KRT80: variants seen among roughly 807,000 people sequenced by gnomAD.
KRT80 encodes keratin 80.
In KRT80, 36 loss-of-function variants were observed where a neutral mutation model predicts 51.5. That is an observed-to-expected ratio of 0.70 (90% CI 0.54 to 0.92). The LOEUF (loss-of-function observed/expected upper bound fraction) is 0.92. Among genes scored for constraint, KRT80 ranks in the 40% least tolerant of loss-of-function variants. The pLI, the probability that KRT80 is intolerant of heterozygous loss-of-function variation, is 0.00. For synonymous variants in KRT80, 235 were observed against 248.3 expected (o/e 0.95, Z 0.50); for missense variants, 566 against 591.7 (o/e 0.96, Z 0.45).
chr12:52,190,270 G>A (rs1941461127), intron 1 of KRT80, among the ~76,000 whole-genome samples: 1 of 152,192 alleles, frequency 6.6e-6, no homozygotes, highest in Non-Finnish European at 1.5e-5. Context: ...ACAGACCTGA[G>A]TTCAAATCCA....
In KRT80 at chr12:52,173,039, T is replaced by C. The variant is rs1308679126; in HGVS notation, c.956A>G (p.His319Arg). The stretch of plus-strand genomic sequence containing the variant: ...CAGGCGCGTCCCCCAGATACTCACA[T>C]GGCTCTTGACAGAGAGGATCTGGGA... ...LRSQILSVKS[H>R]CLKLEENIKT... Residue 319 changes from histidine (H) to arginine (R), a missense_variant and splice_region_variant, in exon 6 of 9, where the codon CAT becomes CGT. His to Arg is a conservative substitution (Grantham distance 29). Transcript: ENST00000394815. The C allele has an allele frequency of 6.2e-7, 1 of 1,606,904 alleles. No individual in the cohort carries two copies.
At position 52,191,954 on chromosome 12, in the gene KRT80, G is replaced by T; in HGVS notation, c.-52C>A. ...CCCAGGGGGGTGAGCGAGTGAGCCTGGGGTTGCGTCGGGTGGCAGGCTCTG... is the reference window on the plus strand; with the variant it reads ...CCCAGGGGGGTGAGCGAGTGAGCCTTGGGTTGCGTCGGGTGGCAGGCTCTG... On this transcript the variant is annotated 5_prime_UTR_variant, in exon 1 of 9. Transcript: ENST00000394815. The T allele has an allele frequency of 7.0e-7, 1 of 1,419,226 alleles. No homozygotes were observed. 87.9% of individuals were successfully genotyped at this position (1,419,226 alleles called of 1,614,324 possible).
intron 1 of KRT80, 43 bp downstream of exon 1, chr12:52,191,560 G>A: frequency 1.3e-6 from 2 of 1,522,124 alleles, no homozygotes; most frequent in Non-Finnish European, 1.8e-6. Flanking sequence ...ACCGGCCCAG[G>A]CCTGGCAGCC....
intron 8 of KRT80, 29 bp from the exon 9 acceptor site, chr12:52,171,551 G>A: frequency 6.2e-7 from 1 of 1,613,862 alleles, no homozygotes; most frequent in Non-Finnish European, 8.5e-7. Flanking sequence ...GTAGGGGAGG[G>A]AAGGGGCTGG....
rs1941118751 is a variant in KRT80, at chr12:52,172,184, G to A, written c.1178+14C>T. Reference sequence around the variant, plus strand: ...CTTCCCCTGCAGCCCTTCCTCACCAGCCCTGGCTCTCACCTGCCCTCCTCG... The same window carrying A: ...CTTCCCCTGCAGCCCTTCCTCACCAACCCTGGCTCTCACCTGCCCTCCTCG... On this transcript the variant is annotated intron_variant, in intron 7 of 8. Coordinates refer to ENST00000394815, the MANE Select transcript of KRT80 (RefSeq NM_182507.3). 2 of 1,612,680 alleles carry A rather than the reference G, an allele frequency of 1.2e-6. No individual in the cohort carries two copies. Among genetic ancestry groups the A allele is most frequent in the East Asian group, 4.5e-5 (2 of 44,878 alleles).
intron 2 of KRT80, 23 bp downstream of exon 2, chr12:52,185,356 G>T: frequency 6.3e-7 from 1 of 1,589,420 alleles, no homozygotes; most frequent in South Asian, 1.1e-5. Flanking sequence ...CCTTGCTCAT[G>T]GCTCTCATGG....
intron 2 of KRT80, among the ~76,000 whole-genome samples, chr12:52,181,185 T>C (rs1024964174): frequency 2.6e-5 from 4 of 152,154 alleles, no homozygotes; most frequent in African/African-American, 9.7e-5. Flanking sequence ...TCCCTCCTGA[T>C]GACACAGTCC....
chr12:52,190,898 C>T (rs1296896142), intron 1 of KRT80, among the ~76,000 whole-genome samples: 2 of 152,102 alleles, frequency 1.3e-5, no homozygotes, highest in East Asian at 1.9e-4. Context: ...GTGCCCCAGA[C>T]CTGTTGCAGG....
At chr12:52,175,839 T>A (rs1483889498) in intron 4 of KRT80, among the ~76,000 whole-genome samples, 1 of 152,168 alleles carries the variant, frequency 6.6e-6, no homozygotes, top group African/African-American at 2.4e-5. Context: ...GCCCCACCTC[T>A]GCTGCCCCAG....
chr12:52,171,783 C>A, intron 7 of KRT80, 70 bp from the exon 8 acceptor site: 1 of 1,074,120 alleles, frequency 9.3e-7, no homozygotes, highest in Non-Finnish European at 1.4e-6. Context: ...GGCTTAAACT[C>A]CCCTGGGGGC....
chr12:52,180,929 C>G lies in KRT80; in HGVS notation c.544G>C (p.Glu182Gln). The G allele has an allele frequency of 6.4e-7, 1 of 1,554,632 alleles. No homozygotes were observed. The highest frequency in any genetic ancestry group is 2.0e-5 in the Admixed American group (1 of 49,050). Residue 182 changes from glutamate to glutamine, a missense_variant, in exon 3 of 9, where the codon GAG becomes CAG. Glu to Gln is a conservative substitution (Grantham distance 29). Coordinates refer to ENST00000394815, the MANE Select transcript of KRT80 (RefSeq NM_182507.3). ...EDEISKRTDM[E>Q]FTFVQLKKDL... Reference sequence around the variant, plus strand: ...TTCTTCAGCTGAACAAAGGTGAACTCCATGTCTGTGCGCTTGGAGATCTCA... The same window carrying G: ...TTCTTCAGCTGAACAAAGGTGAACTGCATGTCTGTGCGCTTGGAGATCTCA...
rs556211288 is a variant in KRT80, at chr12:52,177,743, A to G, written c.666+2770T>C. ...TTCTGGGACACAGGGGTAGGCCTAT[A>G]TTTCTGATCTGGTGTCTGCTCCAAA... is the stretch of plus-strand genomic sequence containing the variant. On this transcript the variant is annotated intron_variant, in intron 4 of 8. Transcript: ENST00000394815. Among the ~76,000 whole-genome samples, 6 of 151,868 alleles carry G rather than the reference A, an allele frequency of 4.0e-5. No homozygotes were observed. The South Asian group carries it at 8.4e-4, about 21-fold the overall frequency.
At chr12:52,181,076 A>G (rs1565696158) in intron 2 of KRT80, 113 bp from the exon 3 acceptor site, 4 of 695,390 alleles carry the variant, frequency 5.8e-6, no homozygotes, top group African/African-American at 1.8e-5. Context: ...CTCTTTGCCA[A>G]TTAAAGAAAA....
intron 4 of KRT80, among the ~76,000 whole-genome samples, chr12:52,178,127 C>T (rs1412528522): frequency 6.6e-6 from 1 of 152,158 alleles, no homozygotes; most frequent in Non-Finnish European, 1.5e-5. Flanking sequence ...GGCAAACCTC[C>T]AATTTCAACC....
At chr12:52,177,089 T>C (rs1407193048) in intron 4 of KRT80, among the ~76,000 whole-genome samples, 1 of 152,204 alleles carries the variant, frequency 6.6e-6, no homozygotes, top group African/African-American at 2.4e-5. Flanking sequence ...TCCAAGCTGT[T>C]CAAAATCTGT....
chr12:52,183,601 C>A, intron 2 of KRT80, among the ~76,000 whole-genome samples: 1 of 152,216 alleles, frequency 6.6e-6, no homozygotes, highest in East Asian at 1.9e-4. Context: ...AGAGGCTCAG[C>A]CTAAGCAGTA....
In KRT80 at chr12:52,171,130, T is replaced by C. The variant is rs1941088814; in HGVS notation, c.*268A>G. On this transcript the variant is annotated 3_prime_UTR_variant, in exon 9 of 9. Transcript: ENST00000394815. ...GACAAAACTGACCCCTAATTCCGAC[T>C]CACCCATCAGGAAAACCTCTGGCCA... is the stretch of plus-strand genomic sequence containing the variant. 1.3e-5 allele frequency: 4 copies of C among 314,122 alleles called. No homozygotes were observed. The allele number at this position is 314,122 out of a possible 1,614,324, so 19.5% of individuals were successfully genotyped here.
At chr12:52,175,893 G>C (rs1012895654) in intron 4 of KRT80, among the ~76,000 whole-genome samples, 7 of 152,190 alleles carry the variant, frequency 4.6e-5, no homozygotes, top group Admixed American at 2.0e-4. Context: ...CCCTGGCTGG[G>C]GCTTGGCTGG....
intron 7 of KRT80, 128 bp downstream of exon 7, chr12:52,172,070 A>G (rs1045247907): frequency 1.0e-6 from 1 of 999,176 alleles, no homozygotes; most frequent in African/African-American, 1.6e-5. Flanking sequence ...TAAGTGACTA[A>G]GCCAAGACTT....
Sources: gnomAD v4.1 joint callset for allele counts (sites outside exome capture counted in the v4.1 genomes callset) on GRCh38, gnomAD v4.1.1 for gene constraint, MANE v1.5 for transcripts, NCBI Gene and HGNC (gene_info 2026-07-23, HGNC 2026-07-21) for gene names.